The following FLT4 variants were observed in gnomAD, a reference collection of about 807,000 sequenced individuals.
FLT4 encodes vascular endothelial growth factor receptor 3.
A neutral mutation model predicts 163.2 loss-of-function variants in FLT4; 30 were observed. The observed-to-expected ratio is 0.18, with a 90% CI of 0.14 to 0.25. The LOEUF (loss-of-function observed/expected upper bound fraction) is 0.25. Ranked by LOEUF, FLT4 falls within the 10% of genes least tolerant of loss-of-function variation. FLT4 has a pLI of 1.00. For missense variants in FLT4, 1,510 were observed against 1,863.8 expected (o/e 0.81, Z 3.50); for synonymous variants, 884 against 789.5 (o/e 1.12, Z -2.01).
intron 29 of FLT4, among the ~76,000 whole-genome samples, chr5:180,604,814 T>C (rs1453078239): frequency 6.6e-6 from 1 of 152,264 alleles, no homozygotes; most frequent in Non-Finnish European, 1.5e-5. Flanking sequence ...TTTATATATA[T>C]TGTCTCTTTT....
At chr5:180,629,057 G>A in intron 7 of FLT4, 58 bp from the exon 8 acceptor site, 1 of 1,515,696 alleles carries the variant, frequency 6.6e-7, no homozygotes, top group African/African-American at 1.4e-5. Context: ...GACTGACCAG[G>A]GACTCCCCCC....
At position 180,611,451 on chromosome 5, in the gene FLT4, C is replaced by T. The variant is rs370304760; in HGVS notation, c.3566G>A (p.Arg1189His). The T allele has an allele frequency of 2.5e-5, 40 of 1,613,846 alleles. No individual in the cohort carries two copies. The highest frequency in any genetic ancestry group is 4.5e-5 in the East Asian group (2 of 44,836). Residue 1189 changes from arginine to histidine, a missense_variant, in exon 27 of 30, where the codon CGC becomes CAC. Arg to His is a conservative substitution (Grantham distance 29). This residue lies in a region of FLT4 where 295 missense variants were observed against 311.0 expected (regional missense o/e 0.95). Transcript: ENST00000261937. ...GCCCTCTTCTGAGCTCTGAGAGCTGCGCGGGGCCATGCAGACCTCCTCTTC... is the reference window on the plus strand; with the variant it reads ...GCCCTCTTCTGAGCTCTGAGAGCTGTGCGGGGCCATGCAGACCTCCTCTTC... ...QEEEEVCMAP[R>H]SSQSSEEGSF...
chr5:180,625,544 C>T (rs1763536360), intron 10 of FLT4, among the ~76,000 whole-genome samples: 2 of 152,240 alleles, frequency 1.3e-5, no homozygotes, highest in Non-Finnish European at 2.9e-5. Flanking sequence ...TGCTCAGAGA[C>T]ATGTGCTTCC....
chr5:180,626,683 C>G (rs1763643117), intron 8 of FLT4, among the ~76,000 whole-genome samples: 1 of 152,222 alleles, frequency 6.6e-6, no homozygotes, highest in Admixed American at 6.5e-5. Flanking sequence ...CTCCACCCAG[C>G]TGGGCACGGC....
At chr5:180,642,699 G>A (rs1765219222) in intron 1 of FLT4, among the ~76,000 whole-genome samples, 1 of 152,156 alleles carries the variant, frequency 6.6e-6, no homozygotes. Flanking sequence ...AGGATGACTG[G>A]AAGCACGGAG....
chr5:180,609,209 C>T, intron 28 of FLT4, 156 bp from the exon 29 acceptor site: 2 of 682,830 alleles, frequency 2.9e-6, no homozygotes, highest in Non-Finnish European at 5.3e-6. Flanking sequence ...TCCATTCCAT[C>T]CCAGGGTGAG....
intron 26 of FLT4, 167 bp downstream of exon 26, chr5:180,612,339 T>A: frequency 1.5e-6 from 1 of 653,146 alleles, no homozygotes. Context: ...AACAGAAAGA[T>A]GCAAGGGTGT....
intron 13 of FLT4, 91 bp from the exon 14 acceptor site, chr5:180,621,343 T>C: frequency 6.7e-7 from 1 of 1,483,730 alleles, no homozygotes; most frequent in South Asian, 1.3e-5. Flanking sequence ...AAAGGATCCC[T>C]GGAAGCTGGA....
intron 1 of FLT4, among the ~76,000 whole-genome samples, chr5:180,644,459 G>A (rs1238777315): frequency 6.6e-6 from 1 of 152,242 alleles, no homozygotes; most frequent in Non-Finnish European, 1.5e-5. Context: ...GCCCTCTAGG[G>A]CATTCCCTGG....
chr5:180,621,909 G>C lies in FLT4; in HGVS notation c.1658-5C>G. On this transcript the variant is annotated splice_polypyrimidine_tract_variant and splice_region_variant and intron_variant, in intron 12 of 29. Transcript: ENST00000261937. ...TGGTGAAGCCGTCGGGGATGGCTGT[G>C]GAGGGAGGAAGAAGCCCTGTGGCAC... 6.2e-7 allele frequency: 1 copy of C among 1,613,262 alleles called. No individual in the cohort carries two copies. Among genetic ancestry groups the C allele is most frequent in the Non-Finnish European group, 8.5e-7 (1 of 1,179,936 alleles).
At chr5:180,603,771 G>T (rs1761637479) in intron 29 of FLT4, among the ~76,000 whole-genome samples, 1 of 152,146 alleles carries the variant, frequency 6.6e-6, no homozygotes, top group African/African-American at 2.4e-5. Flanking sequence ...GGGCGTGGTG[G>T]CGGGCGCCTG....
intron 18 of FLT4, 61 bp from the exon 19 acceptor site, chr5:180,619,427 C>CCGCTTAGCTAAGGCACAGT (rs67380395): frequency 9.2e-7 from 1 of 1,085,748 alleles, no homozygotes. Context: ...TCCCCGCCAC[C>CCGCTTAGCTAAGGCACAGT]CGGCGCTTTT....
At chr5:180,609,345 C>A in intron 28 of FLT4, 1 of 514,450 alleles carries the variant, frequency 1.9e-6, no homozygotes, top group Non-Finnish European at 3.5e-6. Context: ...AGAGCAGGAG[C>A]CGTGGGAGAA....
intron 10 of FLT4, among the ~76,000 whole-genome samples, chr5:180,625,560 C>T (rs1324334476): frequency 1.3e-5 from 2 of 152,332 alleles, no homozygotes; most frequent in East Asian, 1.9e-4. Flanking sequence ...CTTCCTTCTC[C>T]CTCCAGATGA....
intron 29 of FLT4, chr5:180,608,175 T>G: frequency 1.4e-6 from 1 of 700,136 alleles, no homozygotes; most frequent in Non-Finnish European, 2.6e-6. Flanking sequence ...AAGTTTGTAG[T>G]AGATAGCAGT....
Position 180,620,624 on chromosome 5 carries a change from G to T in FLT4, c.2391C>A (p.Phe797Leu). 6.2e-7 allele frequency: 1 copy of T among 1,610,102 alleles called. No individual in the cohort carries two copies. Among genetic ancestry groups the T allele is most frequent in the Non-Finnish European group, 8.5e-7 (1 of 1,176,924 alleles). Residue 797 changes from phenylalanine to leucine, a missense_variant, in exon 16 of 30, where the codon TTC becomes TTA. Phe to Leu is a conservative substitution (Grantham distance 22, BLOSUM62 0). Transcript: ENST00000261937. This position sits in a 1 kb window ranked among gnomAD's most constrained non-coding sequence, Gnocchi z 4.4. ...VFFWVLLLLI[F>L]CNMRRPAHAD... Reference sequence around the variant, plus strand: ...GGACACTCACCCTCCTCATGTTACAGAAGATGAGGAGGAGGAGGACCCAGA... The same window carrying T: ...GGACACTCACCCTCCTCATGTTACATAAGATGAGGAGGAGGAGGACCCAGA...
intron 19 of FLT4, 54 bp from the exon 20 acceptor site, chr5:180,619,163 G>C: frequency 7.7e-7 from 1 of 1,305,770 alleles, no homozygotes. Flanking sequence ...CGCGCTGCGG[G>C]CGCGCTCCGC....
chr5:180,639,688 T>C (rs1764955470), intron 1 of FLT4, among the ~76,000 whole-genome samples: 1 of 152,200 alleles, frequency 6.6e-6, no homozygotes, highest in Non-Finnish European at 1.5e-5. Context: ...TCCTGTTTTA[T>C]AGGATGGGCT....
intron 23 of FLT4, among the ~76,000 whole-genome samples, chr5:180,614,447 G>A (rs1050470423): frequency 3.9e-5 from 6 of 152,054 alleles, no homozygotes; most frequent in African/African-American, 7.2e-5. Flanking sequence ...TCTCAGGGGA[G>A]GGGTATCGGG....
Sources: allele counts gnomAD v4.1 joint callset (sites outside exome capture counted in the v4.1 genomes callset), GRCh38; gene constraint gnomAD v4.1.1; regional missense constraint gnomAD v4.1.1; non-coding constraint Gnocchi (gnomAD v3.1); transcripts MANE v1.5; gene names NCBI Gene and HGNC (gene_info 2026-07-23, HGNC 2026-07-21).